Variants in SCAPER observed in about 807,000 individuals in gnomAD.
The protein encoded by SCAPER is S phase cyclin A-associated protein in the endoplasmic reticulum.
SCAPER carries 98 observed loss-of-function variants against 182.2 expected under a neutral mutation model. That is an observed-to-expected ratio of 0.54 (90% CI 0.46 to 0.64). The LOEUF (loss-of-function observed/expected upper bound fraction) is 0.64, where lower values mean the gene tolerates loss of function less well. Among genes scored for constraint, SCAPER ranks in the 30% least tolerant of loss-of-function variants. The pLI is 0.00. For synonymous variants in SCAPER, 605 were observed against 564.6 expected (o/e 1.07, Z -1.01); for missense variants, 1,432 against 1,690.0 (o/e 0.85, Z 2.68).
Position 76,504,928 on chromosome 15 carries a change from G to A in SCAPER, c.2885C>T (p.Ala962Val). 1 of 1,613,064 alleles carries A rather than the reference G, an allele frequency of 6.2e-7. No homozygotes were observed. Among genetic ancestry groups the A allele is most frequent in the Non-Finnish European group, 8.5e-7 (1 of 1,179,568 alleles). The stretch of plus-strand genomic sequence containing the variant: ...TACTGCTTGAAGGATGTGTTCAAGG[G>A]CTGTTAATCCACCAGCAGCTTGAAA... ...IAFQAAGGLT[A>V]LEHILQAVVP... The change falls in exon 24 of 32, where the codon GCC (alanine) becomes GTC (valine). Residue 962 changes from alanine to valine, a missense_variant. This residue lies in a region of SCAPER where 718 missense variants were observed against 799.7 expected (regional missense o/e 0.90). Coordinates refer to ENST00000563290, the MANE Select transcript of SCAPER (RefSeq NM_020843.4).
intron 5 of SCAPER, among the ~76,000 whole-genome samples, chr15:76,840,932 G>A (rs2069414086): frequency 6.6e-6 from 1 of 152,068 alleles, no homozygotes; most frequent in Non-Finnish European, 1.5e-5. Context: ...ATTGTTTATC[G>A]TTAGCCATCA....
chr15:76,438,376 G>A (rs2047342251), intron 25 of SCAPER, among the ~76,000 whole-genome samples: 1 of 151,898 alleles, frequency 6.6e-6, no homozygotes, highest in Admixed American at 6.6e-5. Context: ...AACTGTAAAT[G>A]TGGTTTGGGG....
intron 8 of SCAPER, among the ~76,000 whole-genome samples, chr15:76,784,693 G>C (rs111851382): frequency 1.3e-5 from 2 of 152,228 alleles, no homozygotes; most frequent in African/African-American, 4.8e-5. Flanking sequence ...CAGATATATA[G>C]ACCAATGGAA....
intron 3 of SCAPER, among the ~76,000 whole-genome samples, chr15:76,860,075 A>C (rs1355691934): frequency 6.6e-6 from 1 of 151,490 alleles, no homozygotes; most frequent in Non-Finnish European, 1.5e-5. Context: ...TGTACTGGCC[A>C]ATTATTTATG....
chr15:76,393,019 T>C, intron 27 of SCAPER, among the ~76,000 whole-genome samples: 1 of 152,214 alleles, frequency 6.6e-6, no homozygotes, highest in Non-Finnish European at 1.5e-5. Context: ...GCCTAGCACA[T>C]AGTGAGCACT....
chr15:76,629,095 T>A (rs147981662), intron 21 of SCAPER, among the ~76,000 whole-genome samples: 319 of 152,364 alleles, frequency 2.1e-3, no homozygotes, highest in African/African-American at 7.5e-3. Context: ...TAGGAACGCT[T>A]GTAACTTTTG....
chr15:76,832,501 C>T (rs1049028241), intron 5 of SCAPER, among the ~76,000 whole-genome samples: 2 of 152,228 alleles, frequency 1.3e-5, no homozygotes, highest in Admixed American at 6.5e-5. Context: ...ACCTCTAACA[C>T]ACTGGCATTC....
chr15:76,548,057 C>T lies in SCAPER; in HGVS notation c.2838+26101G>A, dbSNP rs187489231. On this transcript the variant is annotated intron_variant, in intron 23 of 31. Transcript: ENST00000563290. Reference sequence around the variant, plus strand: ...CTGGATCTCCATTTTGTTAAATGTGCTTTCAACAGAATTTTATAATTTTAT... The same window carrying T: ...CTGGATCTCCATTTTGTTAAATGTGTTTTCAACAGAATTTTATAATTTTAT... Among the ~76,000 whole-genome samples, 224 of 151,954 alleles carry T rather than the reference C, an allele frequency of 1.5e-3. 2 individuals are homozygous for T. Among genetic ancestry groups the T allele is most frequent in the African/African-American group, 5.3e-3 (218 of 41,442 alleles).
At chr15:76,572,658 C>T (rs571889662) in intron 23 of SCAPER, among the ~76,000 whole-genome samples, 1 of 152,248 alleles carries the variant, frequency 6.6e-6, no homozygotes, top group East Asian at 1.9e-4. Flanking sequence ...CTTGGACTAG[C>T]AGCATCAATA....
chr15:76,645,524 G>A (rs1278395380), intron 21 of SCAPER, among the ~76,000 whole-genome samples: 2 of 149,070 alleles, frequency 1.3e-5, no homozygotes, highest in African/African-American at 4.9e-5. Flanking sequence ...GTAAAGATCA[G>A]CCTTTTTTTT....
At chr15:76,854,803 CAAAAA>C (rs35484908) in intron 4 of SCAPER, among the ~76,000 whole-genome samples, 11 of 118,376 alleles carry the variant, frequency 9.3e-5, no homozygotes, top group African/African-American at 1.3e-4. Flanking sequence ...ACTAAAAATA[CAAAAA>C]AAAAAAAAAA....
intron 29 of SCAPER, among the ~76,000 whole-genome samples, chr15:76,375,819 A>G (rs2042521285): frequency 6.6e-6 from 1 of 152,120 alleles, no homozygotes; most frequent in Admixed American, 6.5e-5. Flanking sequence ...CCCCATCTCT[A>G]CTAAAAATAC....
intron 25 of SCAPER, among the ~76,000 whole-genome samples, chr15:76,445,908 T>C (rs2047967361): frequency 6.6e-6 from 1 of 152,174 alleles, no homozygotes; most frequent in Admixed American, 6.5e-5. Flanking sequence ...AGAGGGGCGT[T>C]GCATGAGTGC....
intron 18 of SCAPER, among the ~76,000 whole-genome samples, chr15:76,704,568 A>G (rs1353956662): frequency 6.6e-6 from 1 of 152,144 alleles, no homozygotes; most frequent in Non-Finnish European, 1.5e-5. Context: ...AGCACCATTT[A>G]TTAAATAGGG....
At chr15:76,883,709 T>C (rs1029919550) in intron 2 of SCAPER, 103 bp downstream of exon 2, 8 of 939,310 alleles carry the variant, frequency 8.5e-6, no homozygotes, top group African/African-American at 3.5e-5. Flanking sequence ...ATGTGTTCCA[T>C]AGGGTATCTT....
At chr15:76,623,194 T>G (rs141750779) in intron 21 of SCAPER, among the ~76,000 whole-genome samples, 5 of 152,196 alleles carry the variant, frequency 3.3e-5, no homozygotes, top group African/African-American at 4.8e-5. Context: ...TCCCATTCTG[T>G]AGGTTATCTG....
intron 14 of SCAPER, among the ~76,000 whole-genome samples, chr15:76,756,904 T>C (rs945155122): frequency 1.3e-5 from 2 of 152,226 alleles, no homozygotes; most frequent in African/African-American, 4.8e-5. Context: ...AAAATCAAGA[T>C]TTAAACTTGG....
At chr15:76,789,045 G>T (rs909507405) in intron 8 of SCAPER, among the ~76,000 whole-genome samples, 1 of 151,966 alleles carries the variant, frequency 6.6e-6, no homozygotes, top group African/African-American at 2.4e-5. Flanking sequence ...CATTTCTCTT[G>T]TAATTGTTTA....
At chr15:76,371,779 G>A (rs909193378) in intron 29 of SCAPER, among the ~76,000 whole-genome samples, 9 of 151,964 alleles carry the variant, frequency 5.9e-5, no homozygotes, top group African/African-American at 9.6e-5. Context: ...TTAGCCGGGC[G>A]TGGTGGCGCA....
Sources: allele counts gnomAD v4.1 joint callset (sites outside exome capture counted in the v4.1 genomes callset), GRCh38; gene constraint gnomAD v4.1.1; regional missense constraint gnomAD v4.1.1; transcripts MANE v1.5; gene names NCBI Gene and HGNC (gene_info 2026-07-23, HGNC 2026-07-21).